NCALD: variants seen among roughly 807,000 people sequenced by gnomAD.
NCALD encodes the protein neurocalcin delta, also known as neurocalcin-delta.
Under a neutral mutation model 18.6 loss-of-function variants are expected in NCALD, and 10 were observed. The ratio of observed to expected loss-of-function variants is 0.54; its 90% CI spans 0.33 to 0.91. The LOEUF (loss-of-function observed/expected upper bound fraction) is 0.91, where lower values mean the gene tolerates loss of function less well. NCALD is among the 40% of genes least tolerant of loss of function. NCALD has a pLI of 0.03. For synonymous variants in NCALD, 88 were observed against 87.4 expected (o/e 1.01, Z -0.04); for missense variants, 184 against 247.6 (o/e 0.74, Z 1.72).
chr8:102,044,051 A>G lies in NCALD; in HGVS notation c.-209-23762T>C, dbSNP rs1003084160. On this transcript the variant is annotated intron_variant, in intron 1 of 6. Transcript: ENST00000311028. The stretch of plus-strand genomic sequence containing the variant: ...TATTAGAATCTCTGAGCACCAACAC[A>G]TGAAATTTTAACATATGTTCACTTA... 2.7e-4 allele frequency among the ~76,000 whole-genome samples: 41 copies of G among 151,994 alleles called. 1 individual carries two copies. Among genetic ancestry groups the G allele is most frequent in the African/African-American group, 9.2e-4 (38 of 41,258 alleles).
intron 1 of NCALD, among the ~76,000 whole-genome samples, chr8:101,755,743 C>T (rs760445872): frequency 2.0e-5 from 3 of 152,188 alleles, no homozygotes; most frequent in Admixed American, 2.0e-4. Context: ...CATAAGATAA[C>T]ACTCCTTTGT....
chr8:102,080,692 ACT>A (rs1416798194), intron 1 of NCALD, among the ~76,000 whole-genome samples: 1 of 151,998 alleles, frequency 6.6e-6, no homozygotes, highest in Non-Finnish European at 1.5e-5. Flanking sequence ...TTCTATGAAA[ACT>A]CTGCATGGTG....
intron 1 of NCALD, among the ~76,000 whole-genome samples, chr8:101,758,795 T>C (rs572272969): frequency 6.6e-6 from 1 of 152,104 alleles, no homozygotes; most frequent in Non-Finnish European, 1.5e-5. Flanking sequence ...TCATCTCTAG[T>C]GTCTAGCATA....
chr8:101,926,600 T>C (rs1818343177), intron 2 of NCALD, among the ~76,000 whole-genome samples: 1 of 152,200 alleles, frequency 6.6e-6, no homozygotes, highest in Non-Finnish European at 1.5e-5. Flanking sequence ...AGTTAAATAA[T>C]ATGTCCAAGC....
At chr8:102,050,700 G>T (rs1823413431) in intron 1 of NCALD, among the ~76,000 whole-genome samples, 1 of 145,070 alleles carries the variant, frequency 6.9e-6, no homozygotes, top group Non-Finnish European at 1.5e-5. Context: ...TGTATATATA[G>T]CATATACTAT....
intron 1 of NCALD, among the ~76,000 whole-genome samples, chr8:102,112,365 T>C (rs1364018081): frequency 6.6e-6 from 1 of 152,156 alleles, no homozygotes; most frequent in Non-Finnish European, 1.5e-5. Flanking sequence ...CAAAACCGGA[T>C]TAATCCAGCT....
At chr8:102,051,240 C>T (rs890939825) in intron 1 of NCALD, among the ~76,000 whole-genome samples, 1 of 152,040 alleles carries the variant, frequency 6.6e-6, no homozygotes, top group Non-Finnish European at 1.5e-5. Context: ...CCCCTAGGAT[C>T]GGTGTGACCC....
chr8:101,838,017 C>A (rs1366743685), intron 4 of NCALD, among the ~76,000 whole-genome samples: 3 of 152,102 alleles, frequency 2.0e-5, no homozygotes, highest in Non-Finnish European at 4.4e-5. Flanking sequence ...CAATACACAG[C>A]AAATTGTACT....
chr8:101,815,262 T>C (rs1813449754), intron 4 of NCALD, among the ~76,000 whole-genome samples: 1 of 152,052 alleles, frequency 6.6e-6, no homozygotes. Flanking sequence ...CTGGTGAAAG[T>C]GGACAAATAG....
At chr8:102,098,502 T>A (rs1398091192) in intron 1 of NCALD, among the ~76,000 whole-genome samples, 3 of 152,176 alleles carry the variant, frequency 2.0e-5, no homozygotes, top group African/African-American at 7.2e-5. Context: ...GCATCATCCC[T>A]CACTGGTTTC....
At chr8:101,717,274 C>T (rs928950987) in intron 2 of NCALD, among the ~76,000 whole-genome samples, 1 of 152,122 alleles carries the variant, frequency 6.6e-6, no homozygotes, top group African/African-American at 2.4e-5. Flanking sequence ...CCACAGGAAG[C>T]GATGTCAGGG....
intron 1 of NCALD, among the ~76,000 whole-genome samples, chr8:101,759,321 T>C (rs1811016966): frequency 3.3e-5 from 5 of 151,874 alleles, no homozygotes; most frequent in Admixed American, 2.6e-4. Context: ...TGCCAGAAAG[T>C]TGTCAGTGTC....
At chr8:101,793,505 T>G (rs1040614639), upstream of NCALD, among the ~76,000 whole-genome samples, 2 of 152,184 alleles carry the variant, frequency 1.3e-5, no homozygotes, top group African/African-American at 4.8e-5. Context: ...TACCTAGGTT[T>G]AGAATTTCCT....
At chr8:102,122,451 T>C (rs1825971507) in intron 1 of NCALD, among the ~76,000 whole-genome samples, 1 of 152,100 alleles carries the variant, frequency 6.6e-6, no homozygotes, top group Non-Finnish European at 1.5e-5. Context: ...ACGGTCCTGA[T>C]TGGGAACAAC....
At chr8:101,960,737 C>A (rs971966788) in intron 2 of NCALD, among the ~76,000 whole-genome samples, 3 of 152,124 alleles carry the variant, frequency 2.0e-5, no homozygotes, top group Admixed American at 6.5e-5. Flanking sequence ...CTTTCCACTC[C>A]CTTAGCAATT....
At chr8:101,746,255 A>G (rs373675428) in intron 1 of NCALD, among the ~76,000 whole-genome samples, 2 of 152,194 alleles carry the variant, frequency 1.3e-5, no homozygotes, top group African/African-American at 2.4e-5. Context: ...TCAAGGTCCA[A>G]TATCTGGATT....
At chr8:101,722,807 C>T (rs1281210294) in intron 1 of NCALD, among the ~76,000 whole-genome samples, 3 of 152,070 alleles carry the variant, frequency 2.0e-5, no homozygotes, top group African/African-American at 7.2e-5. Flanking sequence ...TTCATCAGCA[C>T]AGAAAGGCCA....
intron 2 of NCALD, among the ~76,000 whole-genome samples, chr8:101,988,153 T>C (rs1586877655): frequency 1.7e-5 from 1 of 58,610 alleles, no homozygotes; most frequent in African/African-American, 1.1e-4. Flanking sequence ...AGACTCCGTC[T>C]CAAAAAAAAA....
chr8:101,689,366 G>A lies in NCALD; in HGVS notation c.525C>T (p.Ser175=), dbSNP rs72674286. 1.5e-4 allele frequency: 242 copies of A among 1,612,768 alleles called. No homozygotes were observed. The highest frequency in any genetic ancestry group is 1.9e-4 in the Non-Finnish European group (219 of 1,179,412). ...SLEEFIRGAK[S]DPSIVRLLQC... ...GCAGGAGGCGCACAATGGACGGGTC[G>A]CTTTTGGCTCCTCGGATGAACTCTT... is the stretch of plus-strand genomic sequence containing the variant. Residue 175 remains serine (S), a synonymous_variant, in exon 4 of 4, where the codon AGC becomes AGT. Transcript: ENST00000220931. This position sits in a 1 kb window ranked among gnomAD's most constrained non-coding sequence, Gnocchi z 4.4.
Sources: allele counts gnomAD v4.1 joint callset (sites outside exome capture counted in the v4.1 genomes callset), GRCh38; gene constraint gnomAD v4.1.1; non-coding constraint Gnocchi (gnomAD v3.1); transcripts MANE v1.5; gene names NCBI Gene and HGNC (gene_info 2026-07-23, HGNC 2026-07-21).